Variants in ASB14 observed in about 807,000 individuals in gnomAD.
ASB14 encodes ankyrin repeat and SOCS box containing 14, also known as ankyrin repeat and SOCS box protein 14.
In ASB14, 63 loss-of-function variants were observed where a neutral mutation model predicts 55.6. The observed-to-expected ratio is 1.13, with a 90% confidence interval of 0.92 to 1.40. The LOEUF (loss-of-function observed/expected upper bound fraction) is 1.40, where lower values mean the gene tolerates loss of function less well. Ranked by LOEUF, ASB14 falls within the 40% of genes most tolerant of loss-of-function variation. The probability of loss-of-function intolerance (pLI) is 0.00; values close to 1 mark genes in which losing one functional copy is unlikely to be tolerated. For missense variants in ASB14, 724 were observed against 710.4 expected (o/e 1.02, Z -0.22); for synonymous variants, 256 against 259.9 (o/e 0.98, Z 0.15).
intron 10 of ASB14, chr3:57,269,878 A>C: frequency 1.7e-6 from 1 of 602,030 alleles, no homozygotes; most frequent in Non-Finnish European, 2.8e-6. Context: ...TTCCCCCTTA[A>C]ACATAATGTA....
At chr3:57,282,820 A>G (rs1015674549) in intron 6 of ASB14, among the ~76,000 whole-genome samples, 1 of 152,218 alleles carries the variant, frequency 6.6e-6, no homozygotes, top group African/African-American at 2.4e-5. Flanking sequence ...TTGGTAACAG[A>G]TTAAACTGCC....
intron 6 of ASB14, 35 bp from the exon 7 acceptor site, chr3:57,280,508 T>C (rs2061031442): frequency 6.6e-7 from 1 of 1,515,486 alleles, no homozygotes; most frequent in East Asian, 2.5e-5. Context: ...ATGCAAAAAT[T>C]ATTTTCCACT....
At chr3:57,276,160 CTT>C (rs1354161530) in intron 10 of ASB14, among the ~76,000 whole-genome samples, 1 of 150,262 alleles carries the variant, frequency 6.7e-6, no homozygotes, top group Non-Finnish European at 1.5e-5. Flanking sequence ...GATTTATACA[CTT>C]AATTAAAACT....
In ASB14 at chr3:57,269,507, A is replaced by T. The variant is rs767628186; in HGVS notation, c.*134T>A. ...ATAATTTGCCATTTGACTGCAGACAAGTAACTTAGTTTCTTTTTTGTCTTT... is the reference window on the plus strand; with the variant it reads ...ATAATTTGCCATTTGACTGCAGACATGTAACTTAGTTTCTTTTTTGTCTTT... On this transcript the variant is annotated 3_prime_UTR_variant, in exon 11 of 11. Transcript: ENST00000487349. 18 of 1,609,092 alleles carry T rather than the reference A, an allele frequency of 1.1e-5. No homozygotes were observed. Among genetic ancestry groups the T allele is most frequent in the Non-Finnish European group, 5.9e-6 (7 of 1,177,542 alleles).
At chr3:57,291,888 T>C in intron 2 of ASB14, 24 bp downstream of exon 2, 1 of 1,513,552 alleles carries the variant, frequency 6.6e-7, no homozygotes. Flanking sequence ...CTTAATACTA[T>C]ATTGCCGATG....
At chr3:57,292,500 T>TC (rs1405824413) in intron 1 of ASB14, 133 bp downstream of exon 1, 1 of 153,200 alleles carries the variant, frequency 6.5e-6, no homozygotes, top group East Asian at 1.9e-4. Flanking sequence ...ACAAATGTAT[T>TC]CTCATAATTA....
intron 3 of ASB14, chr3:57,288,865 C>T (rs2061103597): frequency 1.2e-5 from 5 of 415,224 alleles, no homozygotes; most frequent in South Asian, 6.7e-5. Context: ...CAGGCGCCCG[C>T]CACCATGCCC....
chr3:57,286,203 C>CT (rs1308210928), intron 5 of ASB14, among the ~76,000 whole-genome samples: 1 of 150,954 alleles, frequency 6.6e-6, no homozygotes, highest in Admixed American at 6.6e-5. Context: ...TTATGTATTC[C>CT]TTTTTTTCTC....
chr3:57,291,189 T>G (rs2061125466), intron 2 of ASB14, among the ~76,000 whole-genome samples: 1 of 152,230 alleles, frequency 6.6e-6, no homozygotes, highest in South Asian at 2.1e-4. Flanking sequence ...TGTACTTCAT[T>G]GTCTCTATTT....
rs1385451238 is a variant in ASB14, at chr3:57,283,286, T to C, written c.623A>G (p.His208Arg). Residue 208 changes from histidine (H) to arginine (R), a missense_variant, in exon 6 of 11, where the codon CAC (histidine) becomes CGC (arginine). Transcript: ENST00000487349. Reference sequence around the variant, plus strand: ...TCCATACGTGCTCTGTGGGTCAGGGTGTGCCCCAGAAACCAGCATAAGCTT... The same window carrying C: ...TCCATACGTGCTCTGTGGGTCAGGGCGTGCCCCAGAAACCAGCATAAGCTT... ...MVKLMLVSGA[H>R]PDPQSTYGFT... is the part of the protein sequence containing the mutation. 23 of 1,551,730 alleles carry C rather than the reference T, an allele frequency of 1.5e-5. No homozygotes were observed. The Admixed American group carries it at 4.5e-4, about 30-fold the overall frequency.
intron 7 of ASB14, 135 bp downstream of exon 7, chr3:57,280,163 CAAAA>C (rs138493152): frequency 1.4e-3 from 305 of 215,482 alleles, no homozygotes; most frequent in Middle Eastern, 4.0e-3. Flanking sequence ...GACAGCATCT[CAAAA>C]AAAAAAAAAA....
intron 7 of ASB14, among the ~76,000 whole-genome samples, chr3:57,279,484 A>G (rs1000691471): frequency 6.6e-6 from 1 of 151,782 alleles, no homozygotes; most frequent in African/African-American, 2.4e-5. Flanking sequence ...GCGGATCACG[A>G]GGTTAAGAGA....
In ASB14 at chr3:57,288,149, A is replaced by AT. The variant is rs2061095774; in HGVS notation, c.310+5dup. On this transcript the variant is annotated splice_donor_region_variant and intron_variant, in intron 4 of 10. Transcript: ENST00000487349. ...GAAGCATCAAGAAGAATCAAAGGGA[A>AT]TTTACCGCTTAGGGTTATTTCCAAA... 6.5e-7 allele frequency: 1 copy of AT among 1,536,816 alleles called. No individual in the cohort carries two copies. The highest frequency in any genetic ancestry group is 1.4e-5 in the African/African-American group (1 of 73,040).
chr3:57,268,432 A>G lies in ASB14; in HGVS notation c.*1209T>C, dbSNP rs928408527. The G allele has an allele frequency of 1.3e-6, 2 of 1,599,766 alleles. No homozygotes were observed. Among genetic ancestry groups the G allele is most frequent in the African/African-American group, 1.3e-5 (1 of 74,634 alleles). ...GCATCAGAAAAACAAAAAGAAATAG[A>G]GAGAGTAAAAGAGAAGCAACAGAAA... On this transcript the variant is annotated 3_prime_UTR_variant, in exon 11 of 11. Transcript: ENST00000487349.
chr3:57,277,028 G>T (rs2060994558), intron 9 of ASB14, among the ~76,000 whole-genome samples: 1 of 152,150 alleles, frequency 6.6e-6, no homozygotes, highest in African/African-American at 2.4e-5. Context: ...CACTCTGGGA[G>T]GCCGAGGCAG....
At chr3:57,273,923 G>A (rs2060966171) in intron 10 of ASB14, among the ~76,000 whole-genome samples, 1 of 151,998 alleles carries the variant, frequency 6.6e-6, no homozygotes, top group South Asian at 2.1e-4. Flanking sequence ...ACTTTTAGAA[G>A]GTACAGGGAA....
At chr3:57,283,841 A>C (rs543730718) in intron 5 of ASB14, among the ~76,000 whole-genome samples, 303 of 152,214 alleles carry the variant, frequency 2.0e-3, no homozygotes, top group Non-Finnish European at 3.2e-3. Context: ...AAAATTAAAA[A>C]AAAAACAAAA....
rs1182369960 is a variant in ASB14, at chr3:57,269,552, A to T, written c.*89T>A. The stretch of plus-strand genomic sequence containing the variant: ...GTCTTTTCCACTAGGACTTGGAAGA[A>T]CAAAGTCGGTTGATAGCTGCTTCCA... On this transcript the variant is annotated 3_prime_UTR_variant, in exon 11 of 11. Coordinates refer to ENST00000487349, the MANE Select transcript of ASB14 (RefSeq NM_001142733.3). 3 of 1,613,898 alleles carry T rather than the reference A, an allele frequency of 1.9e-6. No individual in the cohort carries two copies. Among genetic ancestry groups the T allele is most frequent in the Non-Finnish European group, 2.5e-6 (3 of 1,179,944 alleles).
At position 57,288,253 on chromosome 3, in the gene ASB14, T is replaced by G. The variant is rs2061096924; in HGVS notation, c.212A>C (p.Tyr71Ser). 6.5e-7 allele frequency: 1 copy of G among 1,536,778 alleles called. No homozygotes were observed. Among genetic ancestry groups the G allele is most frequent in the African/African-American group, 1.4e-5 (1 of 73,044 alleles). ...KEDALSHLTK[Y>S]HSAFGEADEI... ...ATCTGCTTCACCAAATGCGGAATGG[T>G]ACTTGGTTAAGTGTGACAATGCATC... is the stretch of plus-strand genomic sequence containing the variant. Residue 71 changes from tyrosine (Y) to serine (S), a missense_variant, in exon 4 of 11, where the codon TAC (tyrosine) becomes TCC (serine). Tyr to Ser is a moderately radical substitution (Grantham distance 144). Transcript: ENST00000487349.
Sources: gnomAD v4.1 joint callset for allele counts (sites outside exome capture counted in the v4.1 genomes callset) on GRCh38, gnomAD v4.1.1 for gene constraint, MANE v1.5 for transcripts, NCBI Gene and HGNC (gene_info 2026-07-23, HGNC 2026-07-21) for gene names.